Variants in MIGA1 observed in about 807,000 individuals in gnomAD.
MIGA1 encodes the protein family with sequence similarity 73, member A.
In MIGA1, 58 loss-of-function variants were observed where a neutral mutation model predicts 82.0. The ratio of observed to expected loss-of-function variants is 0.71; its 90% CI spans 0.57 to 0.88. The LOEUF is 0.88. Ranked by LOEUF, MIGA1 falls within the 40% of genes least tolerant of loss-of-function variation. The pLI, the probability that MIGA1 is intolerant of heterozygous loss-of-function variation, is 0.00. For synonymous variants in MIGA1, 249 were observed against 253.6 expected (o/e 0.98, Z 0.17); for missense variants, 751 against 749.1 (o/e 1.00, Z -0.03).
intron 2 of MIGA1, among the ~76,000 whole-genome samples, chr1:77,798,571 A>C (rs139173355): frequency 6.6e-6 from 1 of 152,142 alleles, no homozygotes. Context: ...CTATGATTCA[A>C]TTATCTCCCA....
rs543129171 is a variant in MIGA1, at chr1:77,864,019, C to G, written c.1500C>G (p.Phe500Leu). The change falls in exon 13 of 16, where the codon TTC (phenylalanine) becomes TTG (leucine). Residue 500 changes from phenylalanine to leucine, a missense_variant. By Grantham distance (22) the Phe-to-Leu change is conservative (BLOSUM62 0). Around this residue, in one of 3 missense-constraint regions of MIGA1, gnomAD observed 265 missense variants for 293.6 expected, o/e 0.90. Transcript: ENST00000370791. The stretch of plus-strand genomic sequence containing the variant: ...ATAATCGATGGCTAAACTCATCCTT[C>G]AAAGAAACAGTAAGTGGTGGTTAAC... The G allele has an allele frequency of 2.5e-6, 4 of 1,603,250 alleles. No individual in the cohort carries two copies. The East Asian group carries it at 6.8e-5, about 27-fold the overall frequency.
At chr1:77,800,547 C>T (rs1298295050) in intron 2 of MIGA1, among the ~76,000 whole-genome samples, 1 of 152,128 alleles carries the variant, frequency 6.6e-6, no homozygotes, top group Non-Finnish European at 1.5e-5. Flanking sequence ...TTTTAGAGTT[C>T]CTTTGCTTTT....
Position 77,858,994 on chromosome 1 carries a change from C to A in MIGA1, c.1053C>A (p.Cys351Ter). 6.2e-7 allele frequency: 1 copy of A among 1,613,918 alleles called. No homozygotes were observed. The highest frequency in any genetic ancestry group is 8.5e-7 in the Non-Finnish European group (1 of 1,179,862). Residue 351 changes from cysteine to a stop codon, truncating the protein, a stop_gained, in exon 9 of 16, where the codon TGC becomes TGA. Transcript: ENST00000370791. LOFTEE classifies it high-confidence loss of function. The stretch of plus-strand genomic sequence containing the variant: ...ACAGCCTGGAGTCCCTTTGTCACTG[C>A]CCATTTTACGAGGAAGCCATGCATT...
chr1:77,849,774 C>T (rs1245025850), intron 8 of MIGA1, among the ~76,000 whole-genome samples: 3 of 152,044 alleles, frequency 2.0e-5, no homozygotes, highest in East Asian at 1.9e-4. Flanking sequence ...GTGGTGCTCA[C>T]GCCTGTAATC....
chr1:77,844,113 A>AATATATATATATAT (rs869208869), intron 8 of MIGA1, among the ~76,000 whole-genome samples: 10 of 90,144 alleles, frequency 1.1e-4, no homozygotes, highest in African/African-American at 3.7e-4. Flanking sequence ...AAAAAAAAAA[A>AATATATATATATAT]ATATATATAT....
intron 7 of MIGA1, among the ~76,000 whole-genome samples, chr1:77,837,822 T>A (rs1684487411): frequency 6.6e-6 from 1 of 152,214 alleles, no homozygotes; most frequent in South Asian, 2.1e-4. Context: ...GGTATATACT[T>A]GGCATTATAC....
At chr1:77,848,615 T>C (rs1247997144) in intron 8 of MIGA1, 4 of 1,474,388 alleles carry the variant, frequency 2.7e-6, no homozygotes, top group Non-Finnish European at 3.8e-6. Flanking sequence ...GAATCATCAC[T>C]GGGAGCAAAA....
intron 2 of MIGA1, among the ~76,000 whole-genome samples, chr1:77,786,312 C>T (rs918402010): frequency 2.0e-5 from 3 of 152,196 alleles, no homozygotes; most frequent in Admixed American, 6.5e-5. Flanking sequence ...GAGGGGCTGC[C>T]GTGAAGACCT....
rs1684167738 is a variant in MIGA1, at chr1:77,829,713, C to T, written c.896-13594C>T. On this transcript the variant is annotated intron_variant, in intron 7 of 15. Coordinates refer to ENST00000370791, the MANE Select transcript of MIGA1 (RefSeq NM_198549.4). The stretch of plus-strand genomic sequence containing the variant: ...CTTGAACTCCTGATCTCAAGTGATC[C>T]TCCCATCTCGGCCTCCCAAAGTCCT... Among the ~76,000 whole-genome samples, 3 of 152,080 alleles carry T rather than the reference C, an allele frequency of 2.0e-5. No homozygotes were observed. The South Asian group carries it at 6.2e-4, about 32-fold the overall frequency.
At chr1:77,866,421 G>T in intron 14 of MIGA1, 30 bp downstream of exon 14, 1 of 1,604,146 alleles carries the variant, frequency 6.2e-7, no homozygotes, top group Non-Finnish European at 8.5e-7. Flanking sequence ...GAATTCCTTT[G>T]TTAAATCATT....
chr1:77,788,675 C>G (rs371697687), intron 2 of MIGA1, among the ~76,000 whole-genome samples: 68 of 152,200 alleles, frequency 4.5e-4, no homozygotes, highest in African/African-American at 1.5e-3. Context: ...CCAGTTTTCC[C>G]TATACCATTT....
chr1:77,842,287 A>AT (rs1414257757), intron 7 of MIGA1, among the ~76,000 whole-genome samples: 1 of 152,240 alleles, frequency 6.6e-6, no homozygotes, highest in Non-Finnish European at 1.5e-5. Flanking sequence ...TAGATTCCTG[A>AT]TAACAGTACA....
intron 14 of MIGA1, among the ~76,000 whole-genome samples, chr1:77,872,685 A>G (rs1017211128): frequency 1.3e-5 from 2 of 152,226 alleles, no homozygotes; most frequent in African/African-American, 2.4e-5. Context: ...AAAACATTCT[A>G]TGACTCTAAA....
At chr1:77,863,740 C>T (rs1442797719) in intron 12 of MIGA1, among the ~76,000 whole-genome samples, 154 bp from the exon 13 acceptor site, 1 of 151,974 alleles carries the variant, frequency 6.6e-6, no homozygotes, top group Non-Finnish European at 1.5e-5. Context: ...TTTCTAGTGG[C>T]GAGCTTTCAT....
chr1:77,866,313 CTTTCT>C lies in MIGA1; in HGVS notation c.1510-19_1510-15del. ...AATGTTTATATAGCTATATATAAAT[CTTTCT>C]TTTCTCTGCATGTATTTAGGCTGTG... On this transcript the variant is annotated intron_variant, in intron 13 of 15. Transcript: ENST00000370791. The C allele has an allele frequency of 3.1e-6, 5 of 1,610,188 alleles. No homozygotes were observed. The highest frequency in any genetic ancestry group is 4.2e-6 in the Non-Finnish European group (5 of 1,176,618).
chr1:77,798,232 G>A (rs1682738098), intron 2 of MIGA1, among the ~76,000 whole-genome samples: 2 of 152,172 alleles, frequency 1.3e-5, no homozygotes, highest in African/African-American at 4.8e-5. Flanking sequence ...CACTTCCTCT[G>A]AAGGTTCTAG....
chr1:77,788,707 C>T (rs887089067), intron 2 of MIGA1, among the ~76,000 whole-genome samples: 24 of 152,260 alleles, frequency 1.6e-4, no homozygotes, highest in Non-Finnish European at 2.4e-4. Flanking sequence ...TCTCCATTTC[C>T]GACTGAATGG....
Position 77,878,082 on chromosome 1 carries a change from T to C in MIGA1, c.*3018T>C, listed in dbSNP as rs970553449. ...CTTGAAAAGAACATTTCTGACTGCA[T>C]GCAGAAGGGTACTTAAGACATATAT... On this transcript the variant is annotated 3_prime_UTR_variant, in exon 16 of 16. Coordinates refer to ENST00000370791, the MANE Select transcript of MIGA1 (RefSeq NM_198549.4). 3.5e-4 allele frequency: 54 copies of C among 152,170 alleles called. No homozygotes were observed. The highest frequency in any genetic ancestry group is 1.3e-3 in the African/African-American group (52 of 41,446). 9.4% of individuals were successfully genotyped at this position (152,170 alleles called of 1,614,324 possible). A position where few individuals can be genotyped will look rare whatever the true frequency, so the allele number is the denominator to read the frequency against.
intron 5 of MIGA1, chr1:77,811,151 A>G (rs1374081681): frequency 1.4e-5 from 21 of 1,528,810 alleles, no homozygotes; most frequent in Non-Finnish European, 1.8e-5. Context: ...TCTTTTCTTG[A>G]AGCCACAGGA....
Sources: allele counts gnomAD v4.1 joint callset (sites outside exome capture counted in the v4.1 genomes callset), GRCh38; gene constraint gnomAD v4.1.1; regional missense constraint gnomAD v4.1.1; transcripts MANE v1.5; gene names NCBI Gene and HGNC (gene_info 2026-07-23, HGNC 2026-07-21).